The following GJB4 variants were observed in gnomAD, a reference collection of about 807,000 sequenced individuals.
GJB4 encodes the protein gap junction beta-4 protein.
For missense variants in GJB4, 371 were observed against 363.8 expected, an observed-to-expected ratio of 1.02 and a Z score of -0.16; for synonymous variants, 162 against 158.1, an observed-to-expected ratio of 1.02 and a Z score of -0.18.
At position 34,761,608 on chromosome 1, in the gene GJB4, C is replaced by T. The variant is rs905889823; in HGVS notation, c.354C>T (p.Asp118=). 3.7e-6 allele frequency: 6 copies of T among 1,614,254 alleles called. No homozygotes were observed. The highest frequency in any genetic ancestry group is 5.1e-6 in the Non-Finnish European group (6 of 1,180,044). Residue 118 remains aspartate (D), a synonymous_variant, in exon 2 of 2, where the codon GAC becomes GAT. Coordinates refer to ENST00000339480, the MANE Select transcript of GJB4 (RefSeq NM_153212.3). This position sits in a 1 kb window ranked among gnomAD's most constrained non-coding sequence, Gnocchi z 4.4. ...GGCCCAATGCCCCGTCCCTGTACGA[C>T]AACCTGAGCAAGAAGCGGGGCGGAC... ...KHGPNAPSLY[D]NLSKKRGGLW...
chr1:34,762,250 G>A lies in GJB4; in HGVS notation c.*195G>A. The A allele has an allele frequency of 1.6e-6, 1 of 645,070 alleles. No individual in the cohort carries two copies. Among genetic ancestry groups the A allele is most frequent in the East Asian group, 2.7e-5 (1 of 36,566 alleles). The allele number at this position is 645,070 out of a possible 1,614,324, so 40.0% of individuals were successfully genotyped here. The stretch of plus-strand genomic sequence containing the variant: ...CCTGGGTCCTGAGCCTCAGGGGAGG[G>A]AGGTTGATAGCTACTGGGGATTTTG... On this transcript the variant is annotated 3_prime_UTR_variant, in exon 2 of 2. Transcript: ENST00000339480.
chr1:34,760,465 A>G (rs997135840), intron 1 of GJB4, among the ~76,000 whole-genome samples: 2 of 152,182 alleles, frequency 1.3e-5, no homozygotes, highest in African/African-American at 4.8e-5. Flanking sequence ...CTAAAGCTGG[A>G]ATGGTTGGAA....
At position 34,762,072 on chromosome 1, in the gene GJB4, A is replaced by G. The variant is rs755931; in HGVS notation, c.*17A>G. On this transcript the variant is annotated 3_prime_UTR_variant, in exon 2 of 2. Coordinates refer to ENST00000339480, the MANE Select transcript of GJB4 (RefSeq NM_153212.3). ...TATCCATAACCTGCGAGATCAGCAG[A>G]TAAGATCAACAGGTCCCCCCCACAT... The G allele has an allele frequency of 0.056, 89,582 of 1,600,282 alleles. 4,731 individuals carry two copies. Among genetic ancestry groups the G allele is most frequent in the African/African-American group, 0.26 (19,422 of 74,618 alleles).
rs201000959 is a variant in GJB4 at position 34,761,984 on chromosome 1, C to T, written c.730C>T (p.His244Tyr). The T allele has an allele frequency of 7.4e-6, 12 of 1,614,160 alleles. No individual in the cohort carries two copies. In the East Asian group the frequency reaches 1.6e-4, roughly 21 times the overall value. The change falls in exon 2 of 2, where the codon CAC becomes TAC. Residue 244 changes from histidine to tyrosine, a missense_variant. By Grantham distance (83) the His-to-Tyr change is moderately conservative (BLOSUM62 2). Coordinates refer to ENST00000339480, the MANE Select transcript of GJB4 (RefSeq NM_153212.3). The surrounding 1 kb of genome is among the most constrained non-coding windows in gnomAD (Gnocchi z 4.4). ...ACCATATGTCCTCTCCCAGGGAGGGCACCCTGAGGATGGGAACTCTGTCCT... is the reference window on the plus strand; with the variant it reads ...ACCATATGTCCTCTCCCAGGGAGGGTACCCTGAGGATGGGAACTCTGTCCT... ...CPPYVLSQGG[H>Y]PEDGNSVLMK... is the part of the protein sequence containing the mutation.
chr1:34,762,040 A>G lies in GJB4; in HGVS notation c.786A>G (p.Ala262=), dbSNP rs1194214357. ...LMKAGSAPVD[A]GGYP is the part of the protein sequence containing the mutation. ...AGGCTGGGTCGGCCCCAGTGGATGC[A>G]GGTGGGTATCCATAACCTGCGAGAT... The change falls in exon 2 of 2, where the codon GCA becomes GCG. Residue 262 remains alanine, a synonymous_variant. Transcript: ENST00000339480. 6.2e-7 allele frequency: 1 copy of G among 1,613,048 alleles called. No homozygotes were observed. The highest frequency in any genetic ancestry group is 8.5e-7 in the Non-Finnish European group (1 of 1,179,602).
chr1:34,761,917 C>T lies in GJB4; in HGVS notation c.663C>T (p.His221=), dbSNP rs1260110780. ...GCATGGAGATCTTCGGCCCCAGGCACCGGCGGCCTCGGTGCCGGGAATGCC... is the reference window on the plus strand; with the variant it reads ...GCATGGAGATCTTCGGCCCCAGGCATCGGCGGCCTCGGTGCCGGGAATGCC... ...KRCMEIFGPR[H]RRPRCRECLP... Residue 221 remains histidine, a synonymous_variant, in exon 2 of 2, where the codon CAC becomes CAT. Coordinates refer to ENST00000339480, the MANE Select transcript of GJB4 (RefSeq NM_153212.3). The surrounding 1 kb of genome is among the most constrained non-coding windows in gnomAD (Gnocchi z 4.4). The T allele has an allele frequency of 6.2e-7, 1 of 1,614,206 alleles. No homozygotes were observed. Among genetic ancestry groups the T allele is most frequent in the Admixed American group, 1.7e-5 (1 of 60,034 alleles).
At position 34,761,625 on chromosome 1, in the gene GJB4, G is replaced by A. The variant is rs140996335; in HGVS notation, c.371G>A (p.Arg124Gln). 3.2e-3 allele frequency: 5,158 copies of A among 1,614,218 alleles called. 14 individuals are homozygous for A. The highest frequency in any genetic ancestry group is 4.0e-3 in the Non-Finnish European group (4,763 of 1,180,030). The change falls in exon 2 of 2, where the codon CGG becomes CAG. Residue 124 changes from arginine to glutamine, a missense_variant. Coordinates refer to ENST00000339480, the MANE Select transcript of GJB4 (RefSeq NM_153212.3). This position sits in a 1 kb window ranked among gnomAD's most constrained non-coding sequence, Gnocchi z 4.4. ...CTGTACGACAACCTGAGCAAGAAGC[G>A]GGGCGGACTGTGGTGGACGTACTTG... ...PSLYDNLSKK[R>Q]GGLWWTYLLS...
chr1:34,761,207 G>A lies in GJB4; in HGVS notation c.-48G>A, dbSNP rs1320280800. The stretch of plus-strand genomic sequence containing the variant: ...CTCCCAAGGCCTGAGTGGGCAGGTA[G>A]CACCCAGGTATAGACCTTCCACGTG... On this transcript the variant is annotated 5_prime_UTR_variant, in exon 2 of 2. Transcript: ENST00000339480. This position sits in a 1 kb window ranked among gnomAD's most constrained non-coding sequence, Gnocchi z 4.4. The A allele has an allele frequency of 6.3e-7, 1 of 1,597,468 alleles. No homozygotes were observed. The highest frequency in any genetic ancestry group is 8.6e-7 in the Non-Finnish European group (1 of 1,166,822).
Position 34,761,754 on chromosome 1 carries a change from A to G in GJB4, c.500A>G (p.Glu167Gly), listed in dbSNP as rs1425565080. 2 of 1,614,072 alleles carry G rather than the reference A, an allele frequency of 1.2e-6. No homozygotes were observed. Among genetic ancestry groups the G allele is most frequent in the Non-Finnish European group, 1.7e-6 (2 of 1,180,016 alleles). ...DMPRVVACSV[E>G]PCPHTVDCYI... ...CCCCGCGTGGTGGCCTGCTCCGTGG[A>G]GCCTTGCCCCCACACTGTGGACTGT... The change falls in exon 2 of 2, where the codon GAG becomes GGG. Residue 167 changes from glutamate (E) to glycine (G), a missense_variant. By Grantham distance (98) the Glu-to-Gly change is moderately conservative (BLOSUM62 -2). Transcript: ENST00000339480. The surrounding 1 kb of genome is among the most constrained non-coding windows in gnomAD (Gnocchi z 4.4).
At chr1:34,760,696 C>T (rs138924098) in intron 1 of GJB4, among the ~76,000 whole-genome samples, 128 of 152,308 alleles carry the variant, frequency 8.4e-4, no homozygotes, top group African/African-American at 2.8e-3. Context: ...GTCCCCAACA[C>T]GGGGCCAGGC....
At position 34,761,278 on chromosome 1, in the gene GJB4, C is replaced by T. The variant is rs1413615203; in HGVS notation, c.24C>T (p.Gly8=). The T allele has an allele frequency of 6.2e-7, 1 of 1,614,220 alleles. No homozygotes were observed. Among genetic ancestry groups the T allele is most frequent in the Admixed American group, 1.7e-5 (1 of 60,038 alleles). The change falls in exon 2 of 2, where the codon GGC becomes GGT. Residue 8 remains glycine, a synonymous_variant. Coordinates refer to ENST00000339480, the MANE Select transcript of GJB4 (RefSeq NM_153212.3). The surrounding 1 kb of genome is among the most constrained non-coding windows in gnomAD (Gnocchi z 4.4). MNWAFLQ[G]LLSGVNKYST... is the part of the protein sequence containing the mutation. Reference sequence around the variant, plus strand: ...GCATGAACTGGGCATTTCTGCAGGGCCTGCTGAGTGGCGTGAACAAGTACT... The same window carrying T: ...GCATGAACTGGGCATTTCTGCAGGGTCTGCTGAGTGGCGTGAACAAGTACT...
At position 34,761,712 on chromosome 1, in the gene GJB4, A is replaced by G. The variant is rs765425278; in HGVS notation, c.458A>G (p.Tyr153Cys). Residue 153 changes from tyrosine (Y) to cysteine (C), a missense_variant, in exon 2 of 2, where the codon TAC (tyrosine) becomes TGC (cysteine). Physicochemically the swap from Tyr to Cys is radical, Grantham distance 194. Coordinates refer to ENST00000339480, the MANE Select transcript of GJB4 (RefSeq NM_153212.3). This position sits in a 1 kb window ranked among gnomAD's most constrained non-coding sequence, Gnocchi z 4.4. ...AGFLYIFHRL[Y>C]KDYDMPRVVA... ...TTCCTCTATATCTTCCACCGCCTCTACAAGGATTATGACATGCCCCGCGTG... is the reference window on the plus strand; with the variant it reads ...TTCCTCTATATCTTCCACCGCCTCTGCAAGGATTATGACATGCCCCGCGTG... 17 of 1,613,968 alleles carry G rather than the reference A, an allele frequency of 1.1e-5. No individual in the cohort carries two copies. Among genetic ancestry groups the G allele is most frequent in the East Asian group, 2.2e-5 (1 of 44,884 alleles).
At position 34,761,716 on chromosome 1, in the gene GJB4, G is replaced by T; in HGVS notation, c.462G>T (p.Lys154Asn). The change falls in exon 2 of 2, where the codon AAG becomes AAT. Residue 154 changes from lysine to asparagine, a missense_variant. Transcript: ENST00000339480. The surrounding 1 kb of genome is among the most constrained non-coding windows in gnomAD (Gnocchi z 4.4). ...GFLYIFHRLYKDYDMPRVVAC... is the reference protein window; with the variant it reads ...GFLYIFHRLYNDYDMPRVVAC... ...TCTATATCTTCCACCGCCTCTACAA[G>T]GATTATGACATGCCCCGCGTGGTGG... is the stretch of plus-strand genomic sequence containing the variant. 1 of 1,614,124 alleles carries T rather than the reference G, an allele frequency of 6.2e-7. No individual in the cohort carries two copies. Among genetic ancestry groups the T allele is most frequent in the Non-Finnish European group, 8.5e-7 (1 of 1,180,020 alleles).
At position 34,761,425 on chromosome 1, in the gene GJB4, G is replaced by A. The variant is rs754676443; in HGVS notation, c.171G>A (p.Gln57=). 14 of 1,614,190 alleles carry A rather than the reference G, an allele frequency of 8.7e-6. No homozygotes were observed. In the South Asian group the frequency reaches 1.2e-4, roughly 14 times the overall value. Residue 57 remains glutamine, a synonymous_variant, in exon 2 of 2, where the codon CAG becomes CAA. Transcript: ENST00000339480. This position sits in a 1 kb window ranked among gnomAD's most constrained non-coding sequence, Gnocchi z 4.4. ...EQKDFVCNTK[Q]PGCPNVCYDE... is the part of the protein sequence containing the mutation. Reference sequence around the variant, plus strand: ...AGGACTTTGTCTGCAACACCAAGCAGCCCGGCTGCCCCAACGTCTGCTATG... The same window carrying A: ...AGGACTTTGTCTGCAACACCAAGCAACCCGGCTGCCCCAACGTCTGCTATG...
In GJB4 at chr1:34,761,928, G is replaced by A. The variant is rs375489958; in HGVS notation, c.674G>A (p.Arg225Gln). The change falls in exon 2 of 2, where the codon CGG becomes CAG. Residue 225 changes from arginine (R) to glutamine (Q), a missense_variant. By Grantham distance (43) the Arg-to-Gln change is conservative (BLOSUM62 1). Coordinates refer to ENST00000339480, the MANE Select transcript of GJB4 (RefSeq NM_153212.3). This position sits in a 1 kb window ranked among gnomAD's most constrained non-coding sequence, Gnocchi z 4.4. ...TTCGGCCCCAGGCACCGGCGGCCTC[G>A]GTGCCGGGAATGCCTACCCGATACG... ...EIFGPRHRRP[R>Q]CRECLPDTCP... 45 of 1,614,040 alleles carry A rather than the reference G, an allele frequency of 2.8e-5. No homozygotes were observed. Among genetic ancestry groups the A allele is most frequent in the Admixed American group, 6.7e-5 (4 of 60,004 alleles).
Position 34,762,147 on chromosome 1 carries a change from G to A in GJB4, c.*92G>A. 3 of 1,305,208 alleles carry A rather than the reference G, an allele frequency of 2.3e-6. No individual in the cohort carries two copies. The highest frequency in any genetic ancestry group is 2.5e-5 in the South Asian group (2 of 78,558). 80.9% of individuals were successfully genotyped at this position (1,305,208 alleles called of 1,614,324 possible). A position where few individuals can be genotyped will look rare whatever the true frequency, so the allele number is the denominator to read the frequency against. On this transcript the variant is annotated 3_prime_UTR_variant, in exon 2 of 2. Coordinates refer to ENST00000339480, the MANE Select transcript of GJB4 (RefSeq NM_153212.3). ...GGGCAGTGGCATCCTTGCCGTAGCA[G>A]GGTGGTGAGGAGGGTGGCTGTGGGG... is the stretch of plus-strand genomic sequence containing the variant.
rs1359828337 is a variant in GJB4, at chr1:34,761,778, G to C, written c.524G>C (p.Cys175Ser). ...SVEPCPHTVD[C>S]YISRPTEKKV... Reference sequence around the variant, plus strand: ...GAGCCTTGCCCCCACACTGTGGACTGTTACATCTCCCGGCCCACGGAGAAG... The same window carrying C: ...GAGCCTTGCCCCCACACTGTGGACTCTTACATCTCCCGGCCCACGGAGAAG... The change falls in exon 2 of 2, where the codon TGT becomes TCT. Residue 175 changes from cysteine (C) to serine (S), a missense_variant. Cys to Ser is a moderately radical substitution (Grantham distance 112). Transcript: ENST00000339480. This position sits in a 1 kb window ranked among gnomAD's most constrained non-coding sequence, Gnocchi z 4.4. 1.1e-5 allele frequency: 17 copies of C among 1,614,126 alleles called. No individual in the cohort carries two copies. Among genetic ancestry groups the C allele is most frequent in the African/African-American group, 2.7e-5 (2 of 75,064 alleles).
rs182645561 is a variant in GJB4, at chr1:34,760,917, A to G, written c.-322-16A>G. 137 of 404,380 alleles carry G rather than the reference A, an allele frequency of 3.4e-4. 2 individuals are homozygous for G. In the East Asian group the frequency reaches 6.4e-3, roughly 19 times the overall value. The allele number at this position is 404,380 out of a possible 1,614,324, so 25.0% of individuals were successfully genotyped here. ...ATGCAGGATGATTGTCTTCACATGT[A>G]TCTATTACCTTGTAGAATAAGGTAG... On this transcript the variant is annotated splice_polypyrimidine_tract_variant and intron_variant, in intron 1 of 1. Coordinates refer to ENST00000339480, the MANE Select transcript of GJB4 (RefSeq NM_153212.3).
chr1:34,760,031 C>T (rs1639680753), intron 1 of GJB4, among the ~76,000 whole-genome samples: 1 of 152,204 alleles, frequency 6.6e-6, no homozygotes, highest in Non-Finnish European at 1.5e-5. Flanking sequence ...GTTTAACAAA[C>T]ATCTATTGTG....
Sources: gnomAD v4.1 joint callset for allele counts (sites outside exome capture counted in the v4.1 genomes callset) on GRCh38, gnomAD v4.1.1 for gene constraint, Gnocchi (gnomAD v3.1) non-coding constraint, MANE v1.5 for transcripts, NCBI Gene and HGNC (gene_info 2026-07-23, HGNC 2026-07-21) for gene names.